CCN4: variants seen among roughly 807,000 people sequenced by gnomAD.
CCN4 encodes cellular communication network factor 4.
In CCN4, 30 loss-of-function variants were observed where a neutral mutation model predicts 36.7. That is an observed-to-expected ratio of 0.82 (90% CI 0.61 to 1.11). The LOEUF (loss-of-function observed/expected upper bound fraction) is 1.11, where lower values mean the gene tolerates loss of function less well. Among genes scored for constraint, CCN4 ranks in the 50% least tolerant of loss-of-function variants. The pLI, the probability that CCN4 is intolerant of heterozygous loss-of-function variation, is 0.00. For synonymous variants in CCN4, 191 were observed against 195.4 expected, an observed-to-expected ratio of 0.98 and a Z score of 0.19; for missense variants, 505 against 504.9, an observed-to-expected ratio of 1.00 and a Z score of 0.00.
At chr8:133,195,007 T>G (rs1216315707) in intron 1 of CCN4, among the ~76,000 whole-genome samples, 2 of 138,788 alleles carry the variant, frequency 1.4e-5, no homozygotes, top group Non-Finnish European at 3.1e-5. Context: ...GTGTGTGTGT[T>G]GTGTGTGTGG....
intron 1 of CCN4, among the ~76,000 whole-genome samples, chr8:133,210,921 G>C (rs16904847): frequency 6.6e-6 from 1 of 152,220 alleles, no homozygotes. Flanking sequence ...GAACTGCATC[G>C]CAGCGGCCTT....
rs781631284 is a variant in CCN4 at position 133,220,643 on chromosome 8, C to A, written c.412C>A (p.Pro138Thr). Residue 138 changes from proline to threonine, a missense_variant, in exon 3 of 5, where the codon CCT (proline) becomes ACT (threonine). Coordinates refer to ENST00000250160, the MANE Select transcript of CCN4 (RefSeq NM_003882.4). ...CTACAACAACGGCCAGTCCTTCCAG[C>A]CTAACTGCAAGTACAACTGCACGTG... Reference protein sequence around the residue: ...VRYNNGQSFQPNCKYNCTCID... With the variant: ...VRYNNGQSFQTNCKYNCTCID... The A allele has an allele frequency of 1.2e-6, 2 of 1,614,216 alleles. No homozygotes were observed. Among genetic ancestry groups the A allele is most frequent in the Non-Finnish European group, 1.7e-6 (2 of 1,180,022 alleles).
At chr8:133,201,981 G>T (rs7006080) in intron 1 of CCN4, among the ~76,000 whole-genome samples, 39,644 of 152,052 alleles carry the variant, frequency 0.26, 5,332 homozygotes, top group Middle Eastern at 0.33. Flanking sequence ...TTCTCTCAAC[G>T]TGGGTGAATA....
At chr8:133,205,247 G>A (rs1853727902) in intron 1 of CCN4, among the ~76,000 whole-genome samples, 1 of 152,234 alleles carries the variant, frequency 6.6e-6, no homozygotes, top group Non-Finnish European at 1.5e-5. Context: ...CATAAACATA[G>A]TGTTATCTGC....
intron 1 of CCN4, among the ~76,000 whole-genome samples, chr8:133,194,470 T>G (rs1328848734): frequency 1.3e-5 from 1 of 78,220 alleles, no homozygotes; most frequent in Non-Finnish European, 2.3e-5. Context: ...GTGTGGGGTG[T>G]GTGTGTGTGT....
intron 1 of CCN4, among the ~76,000 whole-genome samples, chr8:133,211,930 C>G (rs1356308400): frequency 1.3e-5 from 2 of 152,238 alleles, no homozygotes; most frequent in Admixed American, 1.3e-4. Flanking sequence ...CAGCAGGTGA[C>G]TGGGTGCTGG....
intron 3 of CCN4, among the ~76,000 whole-genome samples, chr8:133,222,273 A>G (rs1378244097): frequency 6.6e-6 from 1 of 152,190 alleles, no homozygotes; most frequent in Non-Finnish European, 1.5e-5. Flanking sequence ...GAAGGTCTTA[A>G]TGTCAATCTA....
rs769158255 is a variant in CCN4, at chr8:133,191,192, C to T, written c.48C>T (p.Ala16=). The change falls in exon 1 of 5, where the codon GCC becomes GCT. Residue 16 remains alanine (A), a synonymous_variant. Transcript: ENST00000250160. ...PWTLAAVTAA[A]ASTVLATALS... ...CGCTGGCAGCAGTGACAGCAGCAGC[C>T]GCCAGCACCGTCCTGGCCACGGTGA... The T allele has an allele frequency of 1.4e-5, 22 of 1,606,310 alleles. No individual in the cohort carries two copies. The highest frequency in any genetic ancestry group is 1.1e-4 in the South Asian group (10 of 90,928).
chr8:133,211,253 G>A (rs1214921715), intron 1 of CCN4, among the ~76,000 whole-genome samples: 1 of 152,206 alleles, frequency 6.6e-6, no homozygotes, highest in African/African-American at 2.4e-5. Flanking sequence ...TCGAGTTGCA[G>A]TAAATCCCTC....
At chr8:133,199,444 C>G (rs553237179) in intron 1 of CCN4, among the ~76,000 whole-genome samples, 1 of 152,192 alleles carries the variant, frequency 6.6e-6, no homozygotes, top group Admixed American at 6.5e-5. Flanking sequence ...TGTAAATGCC[C>G]GTGTCACAGA....
intron 3 of CCN4, among the ~76,000 whole-genome samples, chr8:133,223,302 A>C (rs1450185802): frequency 6.6e-6 from 1 of 152,092 alleles, no homozygotes; most frequent in African/African-American, 2.4e-5. Context: ...TGCCTAGCCG[A>C]GGTGACCCAA....
intron 4 of CCN4, among the ~76,000 whole-genome samples, chr8:133,226,573 CG>C (rs1854744524): frequency 1.3e-5 from 2 of 152,212 alleles, no homozygotes; most frequent in Admixed American, 1.3e-4. Context: ...TAACTGAAAA[CG>C]TACATGGAAA....
At chr8:133,197,091 ATGGTGG>A (rs900451937) in intron 1 of CCN4, among the ~76,000 whole-genome samples, 4 of 151,342 alleles carry the variant, frequency 2.6e-5, no homozygotes, top group East Asian at 1.9e-4. Context: ...GATGATGATG[ATGGTGG>A]TGGTGGTGGT....
chr8:133,214,336 A>C (rs866580844), intron 2 of CCN4, among the ~76,000 whole-genome samples: 4 of 151,718 alleles, frequency 2.6e-5, no homozygotes, highest in South Asian at 2.1e-4. Context: ...TGATTATACA[A>C]TCATCAGTAC....
intron 3 of CCN4, among the ~76,000 whole-genome samples, chr8:133,222,960 C>G (rs1854588142): frequency 6.6e-6 from 1 of 152,040 alleles, no homozygotes; most frequent in African/African-American, 2.4e-5. Context: ...TGCATGACTA[C>G]TAAATCCCAG....
rs1439127466 is a variant in CCN4, at chr8:133,230,896, G to T, written c.*3186G>T. On this transcript the variant is annotated 3_prime_UTR_variant, in exon 5 of 5. Transcript: ENST00000250160. ...TATAGAATATGGCATTATCATCTGA[G>T]TCTCACAGAAGTTTAGTCGTGTACT... The T allele has an allele frequency of 6.6e-6, 1 of 152,134 alleles. No individual in the cohort carries two copies. The highest frequency in any genetic ancestry group is 6.5e-5 in the Admixed American group (1 of 15,270). 9.4% of individuals were successfully genotyped at this position (152,134 alleles called of 1,614,324 possible). A position where few individuals can be genotyped will look rare whatever the true frequency, so the allele number is the denominator to read the frequency against.
rs544096201 is a variant in CCN4, at chr8:133,211,397, T to C, written c.70-1467T>C. On this transcript the variant is annotated intron_variant, in intron 1 of 4. Coordinates refer to ENST00000250160, the MANE Select transcript of CCN4 (RefSeq NM_003882.4). Reference sequence around the variant, plus strand: ...TATGAGCTAACTCTGCAAATGTCTGTTGAGTGAATGAAAGAACCCAGAAGA... The same window carrying C: ...TATGAGCTAACTCTGCAAATGTCTGCTGAGTGAATGAAAGAACCCAGAAGA... Among the ~76,000 whole-genome samples the C allele has an allele frequency of 2.0e-5, 3 of 152,352 alleles. No homozygotes were observed. The East Asian group carries it at 5.8e-4, about 29-fold the overall frequency.
intron 1 of CCN4, among the ~76,000 whole-genome samples, chr8:133,203,023 A>G (rs538422053): frequency 1.1e-4 from 17 of 152,352 alleles, no homozygotes; most frequent in Admixed American, 1.1e-3. Flanking sequence ...CTGTCCTGAA[A>G]GCTCCCGGGC....
In CCN4 at chr8:133,230,710, T is replaced by C. The variant is rs557680152; in HGVS notation, c.*3000T>C. On this transcript the variant is annotated 3_prime_UTR_variant, in exon 5 of 5. Coordinates refer to ENST00000250160, the MANE Select transcript of CCN4 (RefSeq NM_003882.4). ...AATTTACATTCATACTTAGAGTGAATTACTCAGGTGTGCTTAGGTGTGCAA... is the reference window on the plus strand; with the variant it reads ...AATTTACATTCATACTTAGAGTGAACTACTCAGGTGTGCTTAGGTGTGCAA... 1 of 152,236 alleles carries C rather than the reference T, an allele frequency of 6.6e-6. No homozygotes were observed. Among genetic ancestry groups the C allele is most frequent in the Non-Finnish European group, 1.5e-5 (1 of 68,052 alleles). The allele number at this position is 152,236 out of a possible 1,614,324, so 9.4% of individuals were successfully genotyped here.
Sources: gnomAD v4.1 joint callset for allele counts (sites outside exome capture counted in the v4.1 genomes callset) on GRCh38, gnomAD v4.1.1 for gene constraint, MANE v1.5 for transcripts, NCBI Gene and HGNC (gene_info 2026-07-23, HGNC 2026-07-21) for gene names.